The following ADHFE1 variants were observed in gnomAD, a reference collection of about 807,000 sequenced individuals.
ADHFE1 encodes the protein hydroxyacid-oxoacid transhydrogenase, mitochondrial.
Under a neutral mutation model 54.8 loss-of-function variants are expected in ADHFE1, and 37 were observed. The observed-to-expected ratio is 0.68, with a 90% confidence interval of 0.52 to 0.89. The LOEUF (loss-of-function observed/expected upper bound fraction) is 0.89. Ranked by LOEUF, ADHFE1 falls within the 40% of genes least tolerant of loss-of-function variation. The pLI is 0.00. For missense variants in ADHFE1, 601 were observed against 591.2 expected (o/e 1.02, Z -0.17); for synonymous variants, 203 against 229.3 (o/e 0.89, Z 1.04).
chr8:66,464,797 C>A (rs1807082295), intron 13 of ADHFE1, among the ~76,000 whole-genome samples: 1 of 152,152 alleles, frequency 6.6e-6, no homozygotes, highest in African/African-American at 2.4e-5. Context: ...CAACCATCAC[C>A]ACTATCCATT....
At chr8:66,458,950 T>A (rs908015578) in intron 12 of ADHFE1, among the ~76,000 whole-genome samples, 1 of 152,224 alleles carries the variant, frequency 6.6e-6, no homozygotes, top group Non-Finnish European at 1.5e-5. Context: ...TAGCTGCCGC[T>A]GGGTAATACA....
chr8:66,457,295 A>G, intron 12 of ADHFE1, 129 bp downstream of exon 12: 1 of 695,894 alleles, frequency 1.4e-6, no homozygotes, highest in Non-Finnish European at 2.3e-6. Flanking sequence ...CCTGGGCAAC[A>G]TGGCAAAACC....
At chr8:66,434,672 G>C (rs1460468144) in intron 1 of ADHFE1, among the ~76,000 whole-genome samples, 1 of 152,198 alleles carries the variant, frequency 6.6e-6, no homozygotes, top group Non-Finnish European at 1.5e-5. Flanking sequence ...CATGCACTCT[G>C]GGCTTCTGCC....
intron 13 of ADHFE1, among the ~76,000 whole-genome samples, chr8:66,463,935 C>T (rs1261291953): frequency 6.6e-6 from 1 of 152,190 alleles, no homozygotes; most frequent in African/African-American, 2.4e-5. Flanking sequence ...CATAGCCAGG[C>T]TGCAAGGGGA....
At chr8:66,445,463 G>C (rs200450012) in intron 6 of ADHFE1, 49 bp downstream of exon 6, 4 of 1,522,000 alleles carry the variant, frequency 2.6e-6, no homozygotes, top group Non-Finnish European at 3.5e-6. Context: ...ATGAGCAATA[G>C]ATCTTAAGAA....
Position 66,446,751 on chromosome 8 carries a change from T to C in ADHFE1, c.551-513T>C, listed in dbSNP as rs182332137. 1.1e-4 allele frequency among the ~76,000 whole-genome samples: 16 copies of C among 152,314 alleles called. No homozygotes were observed. The East Asian group carries it at 3.1e-3, about 29-fold the overall frequency. On this transcript the variant is annotated intron_variant, in intron 6 of 13. Coordinates refer to ENST00000396623, the MANE Select transcript of ADHFE1 (RefSeq NM_144650.3). Reference sequence around the variant, plus strand: ...CACATGCATGCTAAACATGCACGTATGTTAATGCAGACATGGACATCATAC... The same window carrying C: ...CACATGCATGCTAAACATGCACGTACGTTAATGCAGACATGGACATCATAC...
chr8:66,438,554 A>G (rs1805580323), intron 1 of ADHFE1, among the ~76,000 whole-genome samples: 1 of 152,164 alleles, frequency 6.6e-6, no homozygotes, highest in African/African-American at 2.4e-5. Flanking sequence ...AGAAGTGAGG[A>G]CACAGCCAGA....
At chr8:66,433,877 G>A (rs1805328537) in intron 1 of ADHFE1, among the ~76,000 whole-genome samples, 1 of 152,092 alleles carries the variant, frequency 6.6e-6, no homozygotes, top group South Asian at 2.1e-4. Context: ...ATTTTTGGTT[G>A]TAAACCTGTG....
chr8:66,444,562 G>T, intron 4 of ADHFE1, 32 bp from the exon 5 acceptor site: 1 of 1,613,278 alleles, frequency 6.2e-7, no homozygotes, highest in Non-Finnish European at 8.5e-7. Context: ...AGTTCTAGTG[G>T]AGTTGAACCT....
chr8:66,435,601 ATTTTTTTTTT>A (rs533571994), intron 1 of ADHFE1, among the ~76,000 whole-genome samples: 2 of 78,258 alleles, frequency 2.6e-5, no homozygotes, highest in Non-Finnish European at 4.5e-5. Context: ...TCATTTCAAG[ATTTTTTTTTT>A]TTTTTTTTTT....
At chr8:66,445,949 T>G (rs1454691470) in intron 6 of ADHFE1, among the ~76,000 whole-genome samples, 1 of 152,240 alleles carries the variant, frequency 6.6e-6, no homozygotes, top group Non-Finnish European at 1.5e-5. Flanking sequence ...CAAATCAGAA[T>G]AGCTCATTTG....
At chr8:66,446,765 T>C (rs946175792) in intron 6 of ADHFE1, among the ~76,000 whole-genome samples, 5 of 152,180 alleles carry the variant, frequency 3.3e-5, no homozygotes, top group Non-Finnish European at 5.9e-5. Flanking sequence ...AATGCAGACA[T>C]GGACATCATA....
chr8:66,467,710 G>A (rs1013365980), intron 13 of ADHFE1, among the ~76,000 whole-genome samples: 2 of 152,164 alleles, frequency 1.3e-5, no homozygotes, highest in African/African-American at 4.8e-5. Context: ...TGTGCTGGAT[G>A]TCTTCGCTGA....
chr8:66,461,632 A>C (rs1185483523), intron 13 of ADHFE1, among the ~76,000 whole-genome samples: 1 of 151,974 alleles, frequency 6.6e-6, no homozygotes, highest in Non-Finnish European at 1.5e-5. Flanking sequence ...TTGGTAAGCC[A>C]GAAAGCACGT....
chr8:66,434,596 C>T (rs1016710967), intron 1 of ADHFE1, among the ~76,000 whole-genome samples: 12 of 152,216 alleles, frequency 7.9e-5, no homozygotes, highest in African/African-American at 2.4e-4. Context: ...TCATTGGGCA[C>T]ATGTTTCATC....
chr8:66,452,156 C>T, intron 9 of ADHFE1, 51 bp downstream of exon 9: 2 of 1,595,460 alleles, frequency 1.3e-6, no homozygotes, highest in Non-Finnish European at 8.5e-7. Context: ...CACATTCTGC[C>T]AGCACGTGAA....
chr8:66,457,431 T>A lies in ADHFE1; in HGVS notation c.1162+265T>A, dbSNP rs1241519277. Among the ~76,000 whole-genome samples the A allele has an allele frequency of 4.0e-5, 6 of 150,410 alleles. No homozygotes were observed. The East Asian group carries it at 9.7e-4, about 24-fold the overall frequency. On this transcript the variant is annotated intron_variant, in intron 12 of 13. Transcript: ENST00000396623. ...AAGTTGAGGCTGCAGTGAGCTGTTA[T>A]CATGCCACTGCACTCCAGCCTGGGA... is the stretch of plus-strand genomic sequence containing the variant.
At chr8:66,447,220 C>T (rs765777472) in intron 6 of ADHFE1, 44 bp from the exon 7 acceptor site, 1 of 1,569,026 alleles carries the variant, frequency 6.4e-7, no homozygotes, top group East Asian at 2.2e-5. Flanking sequence ...CTCCACTAAC[C>T]TTTATTTAGA....
intron 9 of ADHFE1, among the ~76,000 whole-genome samples, chr8:66,452,889 G>A (rs186475006): frequency 1.3e-5 from 2 of 152,340 alleles, no homozygotes; most frequent in East Asian, 1.9e-4. Context: ...TCAGACTCAC[G>A]TTTGTATTTA....
Sources: gnomAD v4.1 joint callset for allele counts (sites outside exome capture counted in the v4.1 genomes callset) on GRCh38, gnomAD v4.1.1 for gene constraint, MANE v1.5 for transcripts, NCBI Gene and HGNC (gene_info 2026-07-23, HGNC 2026-07-21) for gene names.